The following WWOX variants were observed in gnomAD, a reference collection of about 807,000 sequenced individuals.
WWOX encodes WW domain containing oxidoreductase.
A neutral mutation model predicts 46.2 loss-of-function variants in WWOX; 69 were observed. The observed-to-expected ratio is 1.49, with a 90% CI of 1.23 to 1.82. The LOEUF is 1.82. Among genes scored for constraint, WWOX ranks in the 40% most tolerant of loss-of-function variants. WWOX has a pLI of 0.00. For synonymous variants in WWOX, 359 were observed against 202.6 expected, an observed-to-expected ratio of 1.77 and a Z score of -6.56; for missense variants, 919 against 542.6, an observed-to-expected ratio of 1.69 and a Z score of -6.89.
At chr16:78,352,625 T>C (rs188239328) in intron 5 of WWOX, among the ~76,000 whole-genome samples, 1 of 152,342 alleles carries the variant, frequency 6.6e-6, no homozygotes, top group East Asian at 1.9e-4. Context: ...ATCTGCCTGT[T>C]TGAAGGTCAG....
At position 78,996,425 on chromosome 16, in the gene WWOX, G is replaced by A. The variant is rs999363955; in HGVS notation, c.1057-215183G>A. 2.7e-5 allele frequency: 22 copies of A among 817,284 alleles called. No individual in the cohort carries two copies. In the Admixed American group the frequency reaches 4.2e-4, roughly 15 times the overall value. 50.6% of individuals were successfully genotyped at this position (817,284 alleles called of 1,614,324 possible). A position where few individuals can be genotyped will look rare whatever the true frequency, so the allele number is the denominator to read the frequency against. The stretch of plus-strand genomic sequence containing the variant: ...CTGTAAAATGATTTGCTCAAAGTTT[G>A]CAAAGAATGGAGGCATATTCAAAGT... On this transcript the variant is annotated intron_variant, in intron 8 of 8. Coordinates refer to ENST00000566780, the MANE Select transcript of WWOX (RefSeq NM_016373.4).
intron 5 of WWOX, among the ~76,000 whole-genome samples, chr16:78,337,337 C>G (rs73576464): frequency 6.6e-5 from 10 of 152,186 alleles, no homozygotes; most frequent in African/African-American, 2.2e-4. Flanking sequence ...TACATAAGGT[C>G]TTGTGTACCC....
intron 8 of WWOX, chr16:78,899,156 C>T (rs1223513805): frequency 6.6e-6 from 1 of 152,052 alleles, no homozygotes; most frequent in Non-Finnish European, 1.5e-5. Context: ...GACATCATTG[C>T]TTTATTCAGG....
At chr16:78,886,431 C>T (rs1160080261) in intron 8 of WWOX, among the ~76,000 whole-genome samples, 1 of 151,764 alleles carries the variant, frequency 6.6e-6, no homozygotes, top group Admixed American at 6.6e-5. Context: ...AAGAACATTT[C>T]CTCTTCTTTT....
At chr16:78,268,977 A>G (rs1020330000) in intron 5 of WWOX, 1 of 152,220 alleles carries the variant, frequency 6.6e-6, no homozygotes, top group Non-Finnish European at 1.5e-5. Flanking sequence ...TCATGTTAAT[A>G]TAGATGTACA....
intron 8 of WWOX, chr16:78,898,457 G>A (rs576943943): frequency 6.6e-6 from 1 of 152,214 alleles, no homozygotes; most frequent in Admixed American, 6.5e-5. Context: ...GACTATATAT[G>A]TGTGGGTGTA....
rs905082429 is a variant in WWOX, at chr16:78,957,881, G to A, written c.1057-253727G>A. ...GCAGAGAAGAGGCTGGGCGTGGGGGGACACATGACTAATCCGCCCTTTCTT... is the reference window on the plus strand; with the variant it reads ...GCAGAGAAGAGGCTGGGCGTGGGGGAACACATGACTAATCCGCCCTTTCTT... On this transcript the variant is annotated intron_variant, in intron 8 of 8. Coordinates refer to ENST00000566780, the MANE Select transcript of WWOX (RefSeq NM_016373.4). Among the ~76,000 whole-genome samples, 7 of 152,292 alleles carry A rather than the reference G, an allele frequency of 4.6e-5. No homozygotes were observed. In the South Asian group the frequency reaches 1.2e-3, roughly 27 times the overall value.
At chr16:78,347,178 C>T (rs2081107215) in intron 5 of WWOX, among the ~76,000 whole-genome samples, 1 of 118,652 alleles carries the variant, frequency 8.4e-6, no homozygotes, top group South Asian at 2.5e-4. Context: ...TGTCTTCCTT[C>T]TCTTTCTAAT....
intron 5 of WWOX, among the ~76,000 whole-genome samples, chr16:78,277,664 G>A (rs1319265019): frequency 6.6e-6 from 1 of 152,130 alleles, no homozygotes; most frequent in African/African-American, 2.4e-5. Flanking sequence ...TCTCTGGCAG[G>A]GACAGCGTGT....
At chr16:78,701,469 T>A (rs981085288) in intron 8 of WWOX, among the ~76,000 whole-genome samples, 1 of 152,158 alleles carries the variant, frequency 6.6e-6, no homozygotes, top group African/African-American at 2.4e-5. Context: ...TGCTGGAATT[T>A]GAACCCAGGC....
intron 8 of WWOX, among the ~76,000 whole-genome samples, chr16:79,158,837 G>C (rs1232515081): frequency 2.0e-5 from 3 of 152,160 alleles, no homozygotes; most frequent in African/African-American, 7.2e-5. Context: ...CTTGTCATCT[G>C]TATTTTCCCA....
At chr16:79,153,598 C>T (rs2050323570) in intron 8 of WWOX, among the ~76,000 whole-genome samples, 1 of 152,042 alleles carries the variant, frequency 6.6e-6, no homozygotes, top group Non-Finnish European at 1.5e-5. Flanking sequence ...AGTTGCCTGT[C>T]CAAAAAGCAA....
At chr16:78,187,883 G>T (rs1328220783) in intron 5 of WWOX, among the ~76,000 whole-genome samples, 2 of 152,144 alleles carry the variant, frequency 1.3e-5, no homozygotes, top group Non-Finnish European at 2.9e-5. Context: ...GATGCGGTGG[G>T]TTCTAGGGAT....
intron 8 of WWOX, among the ~76,000 whole-genome samples, chr16:78,583,328 C>A (rs188553916): frequency 1.6e-4 from 24 of 152,258 alleles, no homozygotes; most frequent in Non-Finnish European, 2.5e-4. Flanking sequence ...GTTGGCACTT[C>A]CAGAGTAATT....
intron 8 of WWOX, among the ~76,000 whole-genome samples, chr16:79,116,491 G>A (rs2150667187): frequency 6.6e-6 from 1 of 152,318 alleles, no homozygotes; most frequent in East Asian, 1.9e-4. Flanking sequence ...CCTTCAGGAA[G>A]AGCAAGTTCC....
At chr16:78,669,563 T>G (rs967074071) in intron 8 of WWOX, among the ~76,000 whole-genome samples, 1 of 152,202 alleles carries the variant, frequency 6.6e-6, no homozygotes, top group African/African-American at 2.4e-5. Context: ...CCCCAAAATG[T>G]CAACGTGCCC....
At chr16:78,939,864 G>T (rs755649197) in intron 8 of WWOX, among the ~76,000 whole-genome samples, 1 of 152,150 alleles carries the variant, frequency 6.6e-6, no homozygotes, top group Non-Finnish European at 1.5e-5. Flanking sequence ...TGGCATAGAC[G>T]TGTGGACGTT....
At chr16:79,180,663 C>T (rs1264263625) in intron 8 of WWOX, among the ~76,000 whole-genome samples, 1 of 137,624 alleles carries the variant, frequency 7.3e-6, no homozygotes, top group Non-Finnish European at 1.5e-5. Context: ...TCTTCTTTCT[C>T]TCTCTTCTCT....
At chr16:78,445,195 C>G (rs1016909537) in intron 8 of WWOX, among the ~76,000 whole-genome samples, 3 of 152,122 alleles carry the variant, frequency 2.0e-5, no homozygotes, top group Admixed American at 2.0e-4. Context: ...TATCCAGAAG[C>G]CATTCTTTCA....
Sources: allele counts gnomAD v4.1 joint callset (sites outside exome capture counted in the v4.1 genomes callset), GRCh38; gene constraint gnomAD v4.1.1; transcripts MANE v1.5; gene names NCBI Gene and HGNC (gene_info 2026-07-23, HGNC 2026-07-21).